UPRT: variants seen among roughly 807,000 people sequenced by gnomAD.
The protein encoded by UPRT is uracil phosphoribosyltransferase homolog.
A neutral mutation model predicts 22.6 loss-of-function variants in UPRT; 5 were observed. That is an observed-to-expected ratio of 0.22 (90% CI 0.12 to 0.47). The LOEUF (loss-of-function observed/expected upper bound fraction) is 0.47. UPRT is among the 20% of genes least tolerant of loss of function. The probability of loss-of-function intolerance (pLI) is 0.99; values close to 1 mark genes in which losing one functional copy is unlikely to be tolerated. For missense variants in UPRT, 181 were observed against 239.9 expected, an observed-to-expected ratio of 0.75 and a Z score of 1.62; for synonymous variants, 77 against 87.7, an observed-to-expected ratio of 0.88 and a Z score of 0.68.
At chrX:75,269,112 A>G (rs1402746074), upstream of UPRT, among the ~76,000 whole-genome samples, 2 of 110,761 alleles carry the variant, frequency 1.8e-5, no homozygotes, top group Non-Finnish European at 3.8e-5. Context: ...CTATACACCA[A>G]TAACAGACAG....
chrX:75,198,377 A>G (rs2082338660), intron 4 of UPRT, among the ~76,000 whole-genome samples: 1 of 112,457 alleles, frequency 8.9e-6, no homozygotes, highest in Non-Finnish European at 1.9e-5. Flanking sequence ...ATTTTCCAAA[A>G]GTATGCAATT....
intron 4 of UPRT, among the ~76,000 whole-genome samples, chrX:75,176,658 A>T (rs1393005711): frequency 1.8e-5 from 2 of 109,725 alleles, no homozygotes; most frequent in African/African-American, 6.7e-5. Context: ...TGGGCAGGGG[A>T]GATTAGAGGA....
chrX:75,248,951 GC>G (rs1425952005), intron 4 of UPRT, among the ~76,000 whole-genome samples: 1 of 111,458 alleles, frequency 9.0e-6, no homozygotes, highest in African/African-American at 3.3e-5. Context: ...TTCATATCCA[GC>G]CAAACTAAGC....
intron 4 of UPRT, among the ~76,000 whole-genome samples, chrX:75,218,161 A>C (rs1407268147): frequency 8.9e-6 from 1 of 112,098 alleles, no homozygotes; most frequent in Non-Finnish European, 1.9e-5. Context: ...TAATATCCAG[A>C]ATCTACAATG....
intron 4 of UPRT, among the ~76,000 whole-genome samples, chrX:75,209,985 C>T (rs1388537134): frequency 1.8e-5 from 2 of 111,985 alleles, no homozygotes; most frequent in Non-Finnish European, 3.8e-5. Context: ...AAATTTCTTT[C>T]GGATGTGTGG....
At chrX:75,164,403 GTAA>G (rs1409589236) in intron 3 of UPRT, among the ~76,000 whole-genome samples, 2 of 111,339 alleles carry the variant, frequency 1.8e-5, no homozygotes, top group African/African-American at 6.5e-5. Context: ...CAGAAACTCT[GTAA>G]TAACATTACA....
intron 3 of UPRT, among the ~76,000 whole-genome samples, chrX:75,296,682 G>A (rs1174344981): frequency 3.6e-5 from 4 of 111,786 alleles, no homozygotes; most frequent in Non-Finnish European, 7.5e-5. Flanking sequence ...GGCCCATTGA[G>A]ACCATAGTTA....
chrX:75,185,191 T>A (rs1215969921), intron 4 of UPRT, among the ~76,000 whole-genome samples: 1 of 111,994 alleles, frequency 8.9e-6, no homozygotes, highest in African/African-American at 3.3e-5. Context: ...TTGAAATACA[T>A]CCCATCAATA....
At chrX:75,183,307 A>G (rs967080053) in intron 4 of UPRT, among the ~76,000 whole-genome samples, 4 of 111,477 alleles carry the variant, frequency 3.6e-5, no homozygotes, top group African/African-American at 9.8e-5. Context: ...TTTGCTCACA[A>G]TGATGGTTTC....
Position 75,285,970 on chromosome X carries a change from C to T in UPRT, c.387-7502C>T, listed in dbSNP as rs141918574. Among the ~76,000 whole-genome samples the T allele has an allele frequency of 3.5e-3, 392 of 111,155 alleles. 1 individual carries two copies. The highest frequency in any genetic ancestry group is 0.011 in the African/African-American group (346 of 30,609). ...CCATTCATAAATCATCTGTATACTA[C>T]GACAAACTTTGGGACTATATTTTAG... On this transcript the variant is annotated intron_variant, in intron 1 of 6. Transcript: ENST00000373383.
intron 4 of UPRT, among the ~76,000 whole-genome samples, chrX:75,172,214 G>T (rs2082230232): frequency 9.0e-6 from 1 of 111,112 alleles, no homozygotes; most frequent in African/African-American, 3.3e-5. Flanking sequence ...TGGGGGCAGG[G>T]TTAGGCATGT....
chrX:75,210,043 T>G (rs1427291255), intron 4 of UPRT, among the ~76,000 whole-genome samples: 1 of 111,636 alleles, frequency 9.0e-6, no homozygotes, highest in East Asian at 2.8e-4. Flanking sequence ...CTGCCCTTAT[T>G]GGTATTAGGG....
At position 75,286,930 on chromosome X, in the gene UPRT, G is replaced by A. The variant is rs1472519503; in HGVS notation, c.387-6542G>A. 2.5e-4 allele frequency among the ~76,000 whole-genome samples: 28 copies of A among 111,437 alleles called. 1 individual carries two copies. The Admixed American group carries it at 2.7e-3, about 11-fold the overall frequency. ...TACTTCTTAAATTGTATGAAGATTA[G>A]ATGAGATAATATACCAAAAGTGGTT... is the stretch of plus-strand genomic sequence containing the variant. On this transcript the variant is annotated intron_variant, in intron 1 of 6. Coordinates refer to ENST00000373383, the MANE Select transcript of UPRT (RefSeq NM_145052.4).
At chrX:75,291,550 C>T (rs1301908007) in intron 1 of UPRT, 1 of 189,579 alleles carries the variant, frequency 5.3e-6, no homozygotes, top group Non-Finnish European at 9.7e-6. Context: ...CATGCAGCTT[C>T]ATTGATACAA....
At chrX:75,243,612 G>T (rs2082495114) in intron 4 of UPRT, among the ~76,000 whole-genome samples, 1 of 111,495 alleles carries the variant, frequency 9.0e-6, no homozygotes, top group Admixed American at 9.5e-5. Flanking sequence ...AATTAAACTG[G>T]CTGGATGAAT....
chrX:75,261,784 C>A (rs934661690), intron 4 of UPRT, among the ~76,000 whole-genome samples: 1 of 111,659 alleles, frequency 9.0e-6, no homozygotes, highest in African/African-American at 3.3e-5. Flanking sequence ...AAAATACTGG[C>A]AAATCGAATC....
At chrX:75,210,169 G>A (rs2082376620) in intron 4 of UPRT, among the ~76,000 whole-genome samples, 1 of 111,695 alleles carries the variant, frequency 9.0e-6, no homozygotes, top group African/African-American at 3.3e-5. Context: ...TGCTGTCTCT[G>A]CAGAAGTTGC....
At chrX:75,237,205 C>T (rs1203177013) in intron 4 of UPRT, among the ~76,000 whole-genome samples, 2 of 112,063 alleles carry the variant, frequency 1.8e-5, no homozygotes, top group African/African-American at 6.5e-5. Flanking sequence ...AAAATGCTCA[C>T]CATCACTGGC....
intron 5 of UPRT, 78 bp from the exon 6 acceptor site, chrX:75,300,789 C>G: frequency 1.2e-6 from 1 of 814,622 alleles, no homozygotes; most frequent in South Asian, 2.5e-5. Flanking sequence ...CCTGTCCCCC[C>G]TCCCCCAAAA....
Sources: gnomAD v4.1 joint callset for allele counts (sites outside exome capture counted in the v4.1 genomes callset) on GRCh38, gnomAD v4.1.1 for gene constraint, MANE v1.5 for transcripts, NCBI Gene and HGNC (gene_info 2026-07-23, HGNC 2026-07-21) for gene names.